Variants in PUM3 observed in about 807,000 individuals in gnomAD.
PUM3 encodes the protein pumilio homolog 3.
In PUM3, 91 loss-of-function variants were observed where a neutral mutation model predicts 84.0. The observed-to-expected ratio is 1.08, with a 90% CI of 0.91 to 1.29. The LOEUF is 1.29. PUM3 is among the 50% of genes most tolerant of loss of function. The pLI, the probability that PUM3 is intolerant of heterozygous loss-of-function variation, is 0.00. For synonymous variants in PUM3, 321 were observed against 266.7 expected, an observed-to-expected ratio of 1.20 and a Z score of -1.98; for missense variants, 1,067 against 767.5, an observed-to-expected ratio of 1.39 and a Z score of -4.61.
chr9:2,805,490 C>T (rs1033643745), intron 17 of PUM3, among the ~76,000 whole-genome samples: 8 of 152,142 alleles, frequency 5.3e-5, no homozygotes, highest in Non-Finnish European at 1.0e-4. Flanking sequence ...CCAGTAACTT[C>T]CAATATGTCA....
chr9:2,808,056 C>G, intron 16 of PUM3, 152 bp from the exon 17 acceptor site: 1 of 594,110 alleles, frequency 1.7e-6, no homozygotes, highest in African/African-American at 1.9e-5. Context: ...ACAAAAAATT[C>G]CAGTGCAGGT....
intron 12 of PUM3, 73 bp downstream of exon 12, chr9:2,823,708 A>T: frequency 1.5e-6 from 1 of 658,040 alleles, no homozygotes; most frequent in Non-Finnish European, 2.4e-6. Flanking sequence ...GAATTTTTCC[A>T]AATTTTCTAT....
At chr9:2,842,672 G>C (rs12345518) in intron 1 of PUM3, among the ~76,000 whole-genome samples, 5,417 of 152,098 alleles carry the variant, frequency 0.036, 109 homozygotes, top group East Asian at 0.062. Flanking sequence ...TTTTTATGCT[G>C]AGTACTCCCA....
chr9:2,829,746 A>C, intron 8 of PUM3, 28 bp downstream of exon 8: 1 of 1,582,916 alleles, frequency 6.3e-7, no homozygotes, highest in Non-Finnish European at 8.6e-7. Context: ...AAGTAAAAAT[A>C]CTAGAAAAAG....
At position 2,804,443 on chromosome 9, in the gene PUM3, A is replaced by G. The variant is rs759587102; in HGVS notation, c.1835T>C (p.Leu612Pro). The G allele has an allele frequency of 6.2e-7, 1 of 1,613,890 alleles. No homozygotes were observed. Among genetic ancestry groups the G allele is most frequent in the Non-Finnish European group, 8.5e-7 (1 of 1,179,924 alleles). Residue 612 changes from leucine (L) to proline (P), a missense_variant, in exon 18 of 18, where the codon CTG becomes CCG. Physicochemically the swap from Leu to Pro is moderately conservative, Grantham distance 98. Coordinates refer to ENST00000397885, the MANE Select transcript of PUM3 (RefSeq NM_014878.5). ...AGCTTTGACTTTGTTTGCAACTTCC[A>G]GGTCACAACTCTGGAGGAGGCTGAA... is the stretch of plus-strand genomic sequence containing the variant. ...ILSSLLQSCDLEVANKVKAAL... is the reference protein window; with the variant it reads ...ILSSLLQSCDPEVANKVKAAL...
At chr9:2,810,746 T>C (rs762644598) in intron 15 of PUM3, among the ~76,000 whole-genome samples, 3 of 152,224 alleles carry the variant, frequency 2.0e-5, no homozygotes, top group Non-Finnish European at 2.9e-5. Flanking sequence ...ACGTCTTGGA[T>C]TGAAATATGT....
chr9:2,841,458 C>A (rs1320908331), intron 1 of PUM3, among the ~76,000 whole-genome samples: 1 of 152,106 alleles, frequency 6.6e-6, no homozygotes, highest in Admixed American at 6.5e-5. Context: ...ATCCCAGCTA[C>A]TCAGGGGGCT....
intron 7 of PUM3, among the ~76,000 whole-genome samples, chr9:2,830,162 G>C (rs527981781): frequency 6.6e-6 from 1 of 151,842 alleles, no homozygotes; most frequent in South Asian, 2.1e-4. Context: ...AAAAACAGTA[G>C]GGCAGGAAAA....
chr9:2,837,306 G>A lies in PUM3; in HGVS notation c.178C>T (p.Leu60Phe), dbSNP rs753765535. The change falls in exon 3 of 18, where the codon CTT becomes TTT. Residue 60 changes from leucine (L) to phenylalanine (F), a missense_variant. Transcript: ENST00000397885. ...SRNFEKSITK[L>F]GKKGVKQFKN... Reference sequence around the variant, plus strand: ...AACTGCTTTACACCCTTTTTCCCAAGTTTTGTGATACTTTTCTCAAAGTTC... The same window carrying A: ...AACTGCTTTACACCCTTTTTCCCAAATTTTGTGATACTTTTCTCAAAGTTC... The A allele has an allele frequency of 1.9e-6, 3 of 1,613,990 alleles. No homozygotes were observed. The highest frequency in any genetic ancestry group is 1.7e-5 in the Admixed American group (1 of 60,000).
intron 12 of PUM3, 63 bp from the exon 13 acceptor site, chr9:2,820,161 C>T: frequency 1.2e-6 from 1 of 835,952 alleles, no homozygotes; most frequent in Non-Finnish European, 2.0e-6. Flanking sequence ...TCTTATTTCA[C>T]ACATGGAATA....
intron 17 of PUM3, among the ~76,000 whole-genome samples, chr9:2,806,127 T>C (rs891612914): frequency 6.6e-6 from 1 of 152,210 alleles, no homozygotes. Flanking sequence ...TAATGGGAGT[T>C]CTGATTGATG....
chr9:2,822,391 C>T (rs371511589), intron 12 of PUM3, among the ~76,000 whole-genome samples: 1 of 151,810 alleles, frequency 6.6e-6, no homozygotes, highest in African/African-American at 2.4e-5. Context: ...AGAATATATC[C>T]AGAAACCCCC....
At chr9:2,838,319 C>T in intron 2 of PUM3, 107 bp downstream of exon 2, 1 of 771,732 alleles carries the variant, frequency 1.3e-6, no homozygotes, top group Non-Finnish European at 2.3e-6. Context: ...CTTCTTCCTA[C>T]TATTTTAATC....
chr9:2,836,247 T>C (rs551945606), intron 3 of PUM3, among the ~76,000 whole-genome samples: 3 of 151,816 alleles, frequency 2.0e-5, no homozygotes, highest in Admixed American at 6.6e-5. Context: ...GAGAAAACCA[T>C]CCCCAGTGGT....
chr9:2,838,722 T>C (rs1227297737), intron 1 of PUM3, among the ~76,000 whole-genome samples: 3 of 152,074 alleles, frequency 2.0e-5, no homozygotes, highest in Non-Finnish European at 4.4e-5. Flanking sequence ...AAGGTATCAA[T>C]AAAAAAACTA....
rs1394884978 is a variant in PUM3, at chr9:2,808,872, G to T, written c.1724-968C>A. On this transcript the variant is annotated intron_variant, in intron 16 of 17. Coordinates refer to ENST00000397885, the MANE Select transcript of PUM3 (RefSeq NM_014878.5). The stretch of plus-strand genomic sequence containing the variant: ...ACTTGACCAAGACAGTATGATGAAA[G>T]TGGCATTAAATGACTGCTAAGGATA... Among the ~76,000 whole-genome samples, 3 of 152,204 alleles carry T rather than the reference G, an allele frequency of 2.0e-5. No individual in the cohort carries two copies. In the East Asian group the frequency reaches 5.8e-4, roughly 29 times the overall value.
intron 13 of PUM3, among the ~76,000 whole-genome samples, chr9:2,819,004 C>T (rs889852540): frequency 1.3e-5 from 2 of 152,210 alleles, no homozygotes; most frequent in Non-Finnish European, 2.9e-5. Flanking sequence ...GAAAGTACCA[C>T]ATGTCATCAC....
Position 2,829,956 on chromosome 9 carries a change from C to G in PUM3, c.678-8G>C, listed in dbSNP as rs1003316065. On this transcript the variant is annotated splice_polypyrimidine_tract_variant and splice_region_variant and intron_variant, in intron 7 of 17. Coordinates refer to ENST00000397885, the MANE Select transcript of PUM3 (RefSeq NM_014878.5). ...GCAATCTGTGGTTTACTTCTAAACGCAACACAATCATGGAAAAATAAATGA... is the reference window on the plus strand; with the variant it reads ...GCAATCTGTGGTTTACTTCTAAACGGAACACAATCATGGAAAAATAAATGA... 1.3e-6 allele frequency: 2 copies of G among 1,591,822 alleles called. No homozygotes were observed. Among genetic ancestry groups the G allele is most frequent in the African/African-American group, 2.7e-5 (2 of 74,086 alleles).
At chr9:2,824,891 G>A (rs1586723821) in intron 10 of PUM3, 76 bp from the exon 11 acceptor site, 1 of 1,024,496 alleles carries the variant, frequency 9.8e-7, no homozygotes, top group Non-Finnish European at 1.4e-6. Flanking sequence ...TCTGTCTACA[G>A]GGGGCAGTTA....
Sources: gnomAD v4.1 joint callset for allele counts (sites outside exome capture counted in the v4.1 genomes callset) on GRCh38, gnomAD v4.1.1 for gene constraint, MANE v1.5 for transcripts, NCBI Gene and HGNC (gene_info 2026-07-23, HGNC 2026-07-21) for gene names.